The following PCDHB2 variants were observed in gnomAD, a reference collection of about 807,000 sequenced individuals.
PCDHB2 encodes protocadherin beta-2.
For synonymous variants in PCDHB2, 395 were observed against 464.9 expected, an observed-to-expected ratio of 0.85 and a Z score of 1.93; for missense variants, 914 against 1,023.1, an observed-to-expected ratio of 0.89 and a Z score of 1.45.
Position 141,096,299 on chromosome 5 carries a change from C to G in PCDHB2, c.1509C>G (p.Ala503=). The G allele has an allele frequency of 6.2e-7, 1 of 1,613,384 alleles. No homozygotes were observed. The highest frequency in any genetic ancestry group is 8.5e-7 in the Non-Finnish European group (1 of 1,179,986). Residue 503 remains alanine (A), a synonymous_variant, in exon 1 of 1, where the codon GCC becomes GCG. Coordinates refer to ENST00000194155, the MANE Select transcript of PCDHB2 (RefSeq NM_018936.4). ...LPPQDPHLPL[A]SLVSINADNG... Reference sequence around the variant, plus strand: ...CCCAGGACCCGCACCTGCCCCTCGCCTCCCTGGTCTCCATCAACGCGGACA... The same window carrying G: ...CCCAGGACCCGCACCTGCCCCTCGCGTCCCTGGTCTCCATCAACGCGGACA...
At position 141,095,438 on chromosome 5, in the gene PCDHB2, G is replaced by A. The variant is rs782259874; in HGVS notation, c.648G>A (p.Ala216=). Reference sequence around the variant, plus strand: ...CTGAGATCAGGTTAACCCTCACAGCGCTAGATGGCGGGAGTCCACCCAGGT... The same window carrying A: ...CTGAGATCAGGTTAACCCTCACAGCACTAGATGGCGGGAGTCCACCCAGGT... ...EQPEIRLTLT[A]LDGGSPPRSG... is the part of the protein sequence containing the mutation. The change falls in exon 1 of 1, where the codon GCG becomes GCA. Residue 216 remains alanine (A), a synonymous_variant. Coordinates refer to ENST00000194155, the MANE Select transcript of PCDHB2 (RefSeq NM_018936.4). 1 of 1,614,126 alleles carries A rather than the reference G, an allele frequency of 6.2e-7. No homozygotes were observed. Among genetic ancestry groups the A allele is most frequent in the East Asian group, 2.2e-5 (1 of 44,872 alleles).
chr5:141,095,167 G>C lies in PCDHB2; in HGVS notation c.377G>C (p.Arg126Thr). The C allele has an allele frequency of 6.2e-7, 1 of 1,611,430 alleles. No individual in the cohort carries two copies. The highest frequency in any genetic ancestry group is 8.5e-7 in the Non-Finnish European group (1 of 1,178,986). ...TTTTTTCAGGCGGAGCTACGGATTA[G>C]GGACGTAAATGATCATTCCCCAGTT... ...LQFFQAELRIRDVNDHSPVFL... is the reference protein window; with the variant it reads ...LQFFQAELRITDVNDHSPVFL... The change falls in exon 1 of 1, where the codon AGG (arginine) becomes ACG (threonine). Residue 126 changes from arginine (R) to threonine (T), a missense_variant. Coordinates refer to ENST00000194155, the MANE Select transcript of PCDHB2 (RefSeq NM_018936.4).
chr5:141,096,800 G>A lies in PCDHB2; in HGVS notation c.2010G>A (p.Gln670=). ...TGCTCCTGGTGGACGGCTTCTCCCA[G>A]CCCTACCTGCTGCTCCCGGAGGCGG... ...LHVLLVDGFS[Q]PYLLLPEAAP... Residue 670 remains glutamine (Q), a synonymous_variant, in exon 1 of 1, where the codon CAG becomes CAA. Coordinates refer to ENST00000194155, the MANE Select transcript of PCDHB2 (RefSeq NM_018936.4). 6.2e-7 allele frequency: 1 copy of A among 1,610,170 alleles called. No individual in the cohort carries two copies. The highest frequency in any genetic ancestry group is 8.5e-7 in the Non-Finnish European group (1 of 1,179,678).
Position 141,094,898 on chromosome 5 carries a change from A to C in PCDHB2, c.108A>C (p.Ser36=). 5 of 1,614,148 alleles carry C rather than the reference A, an allele frequency of 3.1e-6. 1 individual carries two copies. The Middle Eastern group carries it at 8.3e-4, about 267-fold the overall frequency. Residue 36 remains serine, a synonymous_variant, in exon 1 of 1, where the codon TCA becomes TCC. Transcript: ENST00000194155. Reference sequence around the variant, plus strand: ...CTAGTTGCCAGCCTAGGCACTATTCAGTGGCCGAGGAAACGGAGAGTGGCT... The same window carrying C: ...CTAGTTGCCAGCCTAGGCACTATTCCGTGGCCGAGGAAACGGAGAGTGGCT... ...AQASCQPRHY[S]VAEETESGSF...
In PCDHB2 at chr5:141,096,315, A is replaced by G. The variant is rs1563829127; in HGVS notation, c.1525A>G (p.Asn509Asp). 6.2e-7 allele frequency: 1 copy of G among 1,613,322 alleles called. No homozygotes were observed. The highest frequency in any genetic ancestry group is 2.2e-5 in the East Asian group (1 of 44,864). ...GCCCCTCGCCTCCCTGGTCTCCATC[A>G]ACGCGGACAACGGCCACCTGTTCGC... ...HLPLASLVSINADNGHLFALQ... is the reference protein window; with the variant it reads ...HLPLASLVSIDADNGHLFALQ... Residue 509 changes from asparagine (N) to aspartate (D), a missense_variant, in exon 1 of 1, where the codon AAC becomes GAC. Asn to Asp is a conservative substitution (Grantham distance 23, BLOSUM62 1). Transcript: ENST00000194155.
At position 141,096,016 on chromosome 5, in the gene PCDHB2, C is replaced by T; in HGVS notation, c.1226C>T (p.Thr409Met). 6.2e-7 allele frequency: 1 copy of T among 1,614,142 alleles called. No individual in the cohort carries two copies. The highest frequency in any genetic ancestry group is 8.5e-7 in the Non-Finnish European group (1 of 1,180,038). The change falls in exon 1 of 1, where the codon ACG becomes ATG. Residue 409 changes from threonine (T) to methionine (M), a missense_variant. Coordinates refer to ENST00000194155, the MANE Select transcript of PCDHB2 (RefSeq NM_018936.4). ...AACTTTTACACTCTGGTGATAAGCA[C>T]GGCCCTGGACCGGGAGACCAGATCC... ...VENFYTLVIS[T>M]ALDRETRSEY...
In PCDHB2 at chr5:141,094,995, G is replaced by T. The variant is rs782317936; in HGVS notation, c.205G>T (p.Val69Phe). ...GELAVRGARV[V>F]SKGKKMHLQF... is the part of the protein sequence containing the mutation. ...ACTTGCTGTGAGGGGGGCCAGGGTC[G>T]TTTCCAAAGGAAAAAAAATGCATTT... The change falls in exon 1 of 1, where the codon GTT becomes TTT. Residue 69 changes from valine to phenylalanine, a missense_variant. Coordinates refer to ENST00000194155, the MANE Select transcript of PCDHB2 (RefSeq NM_018936.4). 1.9e-6 allele frequency: 3 copies of T among 1,612,554 alleles called. No individual in the cohort carries two copies. Among genetic ancestry groups the T allele is most frequent in the South Asian group, 1.1e-5 (1 of 90,868 alleles).
Position 141,095,410 on chromosome 5 carries a change from A to C in PCDHB2, c.620A>C (p.Gln207Pro). The change falls in exon 1 of 1, where the codon CAG becomes CCG. Residue 207 changes from glutamine to proline, a missense_variant. Gln to Pro is a moderately conservative substitution (Grantham distance 76, BLOSUM62 -1). Coordinates refer to ENST00000194155, the MANE Select transcript of PCDHB2 (RefSeq NM_018936.4). ...VLNRALDREEQPEIRLTLTAL... is the reference protein window; with the variant it reads ...VLNRALDREEPPEIRLTLTAL... The stretch of plus-strand genomic sequence containing the variant: ...AACAGAGCCCTGGATCGCGAGGAGC[A>C]GCCTGAGATCAGGTTAACCCTCACA... The C allele has an allele frequency of 6.2e-7, 1 of 1,614,194 alleles. No individual in the cohort carries two copies. Among genetic ancestry groups the C allele is most frequent in the South Asian group, 1.1e-5 (1 of 91,080 alleles).
Position 141,097,560 on chromosome 5 carries a change from C to T in PCDHB2, c.*373C>T, listed in dbSNP as rs1197835445. 1 of 172,314 alleles carries T rather than the reference C, an allele frequency of 5.8e-6. No homozygotes were observed. The highest frequency in any genetic ancestry group is 5.7e-5 in the Admixed American group (1 of 17,566). 10.7% of individuals were successfully genotyped at this position (172,314 alleles called of 1,614,324 possible). On this transcript the variant is annotated 3_prime_UTR_variant, in exon 1 of 1. Transcript: ENST00000194155. ...ATTACATGAGTTATATTTTCCAGCC[C>T]AGAATATTTGTGTTTTTTATATCCT... is the stretch of plus-strand genomic sequence containing the variant.
rs1751872645 is a variant in PCDHB2 at position 141,098,199 on chromosome 5, C to T, written c.*1012C>T. On this transcript the variant is annotated 3_prime_UTR_variant, in exon 1 of 1. Coordinates refer to ENST00000194155, the MANE Select transcript of PCDHB2 (RefSeq NM_018936.4). ...AATTTTCAAAGGCATGCTAATTCAT[C>T]ATGCTTTCTCTTTCAAATAGTTTTT... 1 of 152,160 alleles carries T rather than the reference C, an allele frequency of 6.6e-6. No homozygotes were observed. Among genetic ancestry groups the T allele is most frequent in the Non-Finnish European group, 1.5e-5 (1 of 68,026 alleles). 9.4% of individuals were successfully genotyped at this position (152,160 alleles called of 1,614,324 possible). A position where few individuals can be genotyped will look rare whatever the true frequency, so the allele number is the denominator to read the frequency against.
At position 141,096,169 on chromosome 5, in the gene PCDHB2, T is replaced by A. The variant is rs782652758; in HGVS notation, c.1379T>A (p.Leu460Gln). 1.2e-6 allele frequency: 2 copies of A among 1,613,352 alleles called. No individual in the cohort carries two copies. The highest frequency in any genetic ancestry group is 1.7e-6 in the Non-Finnish European group (2 of 1,180,020). The change falls in exon 1 of 1, where the codon CTG (leucine) becomes CAG (glutamine). Residue 460 changes from leucine (L) to glutamine (Q), a missense_variant. Transcript: ENST00000194155. ...GCCTTCACCCAAACCTCCTACACCC[T>A]GTTCGTCCGCGAGAACAACAGCCCC... ...APAFTQTSYT[L>Q]FVRENNSPAL... is the part of the protein sequence containing the mutation.
At position 141,094,985 on chromosome 5, in the gene PCDHB2, G is replaced by C. The variant is rs782376507; in HGVS notation, c.195G>C (p.Gly65=). The C allele has an allele frequency of 1.2e-6, 2 of 1,613,354 alleles. No homozygotes were observed. The highest frequency in any genetic ancestry group is 1.7e-6 in the Non-Finnish European group (2 of 1,179,702). The change falls in exon 1 of 1, where the codon GGG becomes GGC. Residue 65 remains glycine (G), a synonymous_variant. Coordinates refer to ENST00000194155, the MANE Select transcript of PCDHB2 (RefSeq NM_018936.4). Reference sequence around the variant, plus strand: ...AGATAGGAGAACTTGCTGTGAGGGGGGCCAGGGTCGTTTCCAAAGGAAAAA... The same window carrying C: ...AGATAGGAGAACTTGCTGTGAGGGGCGCCAGGGTCGTTTCCAAAGGAAAAA... ...GLEIGELAVR[G]ARVVSKGKKM...
Position 141,095,466 on chromosome 5 carries a change from G to C in PCDHB2, c.676G>C (p.Gly226Arg), listed in dbSNP as rs782163761. ...AGATGGCGGGAGTCCACCCAGGTCC[G>C]GCACGGCCCTGGTACGGATTGAAGT... The part of the protein sequence containing the change: ...ALDGGSPPRS[G>R]TALVRIEVVD... The change falls in exon 1 of 1, where the codon GGC becomes CGC. Residue 226 changes from glycine to arginine, a missense_variant. Coordinates refer to ENST00000194155, the MANE Select transcript of PCDHB2 (RefSeq NM_018936.4). 1.2e-6 allele frequency: 2 copies of C among 1,613,966 alleles called. No individual in the cohort carries two copies. The highest frequency in any genetic ancestry group is 2.2e-5 in the South Asian group (2 of 91,066).
rs782002533 is a variant in PCDHB2 at position 141,094,892 on chromosome 5, C to T, written c.102C>T (p.His34=). 3 of 1,613,996 alleles carry T rather than the reference C, an allele frequency of 1.9e-6. No individual in the cohort carries two copies. The highest frequency in any genetic ancestry group is 2.5e-6 in the Non-Finnish European group (3 of 1,180,024). The change falls in exon 1 of 1, where the codon CAC becomes CAT. Residue 34 remains histidine (H), a synonymous_variant. Coordinates refer to ENST00000194155, the MANE Select transcript of PCDHB2 (RefSeq NM_018936.4). ...CTCAGGCTAGTTGCCAGCCTAGGCACTATTCAGTGGCCGAGGAAACGGAGA... is the reference window on the plus strand; with the variant it reads ...CTCAGGCTAGTTGCCAGCCTAGGCATTATTCAGTGGCCGAGGAAACGGAGA... The part of the protein sequence containing the change: ...GIAQASCQPR[H]YSVAEETESG...
rs781982034 is a variant in PCDHB2, at chr5:141,096,201, C to G, written c.1411C>G (p.His471Asp). 1.2e-6 allele frequency: 2 copies of G among 1,613,080 alleles called. No homozygotes were observed. The highest frequency in any genetic ancestry group is 3.3e-5 in the Admixed American group (2 of 60,032). Residue 471 changes from histidine to aspartate, a missense_variant, in exon 1 of 1, where the codon CAC (histidine) becomes GAC (aspartate). Transcript: ENST00000194155. ...CCGCGAGAACAACAGCCCCGCCCTG[C>G]ACATCGGCAGCGTCAGCGCCACAGA... Reference protein sequence around the residue: ...FVRENNSPALHIGSVSATDRD... With the variant: ...FVRENNSPALDIGSVSATDRD...
In PCDHB2 at chr5:141,098,133, CATT is replaced by C. The variant is rs1751871710; in HGVS notation, c.*948_*950del. ...TAATAAATTTTTGTCAAAAGTCAAT[CATT>C]AATATTCAAAAATGTAGATAAATAA... On this transcript the variant is annotated 3_prime_UTR_variant, in exon 1 of 1. Transcript: ENST00000194155. The C allele has an allele frequency of 6.6e-6, 1 of 152,142 alleles. No individual in the cohort carries two copies. Among genetic ancestry groups the C allele is most frequent in the Non-Finnish European group, 1.5e-5 (1 of 68,028 alleles). 9.4% of individuals were successfully genotyped at this position (152,142 alleles called of 1,614,324 possible). A position where few individuals can be genotyped will look rare whatever the true frequency, so the allele number is the denominator to read the frequency against.
rs200167894 is a variant in PCDHB2, at chr5:141,094,958, G to A, written c.168G>A (p.Leu56=). The change falls in exon 1 of 1, where the codon CTG becomes CTA. Residue 56 remains leucine (L), a synonymous_variant. Transcript: ENST00000194155. ...CCAATTTGTTAAAAGACCTGGGGCT[G>A]GAGATAGGAGAACTTGCTGTGAGGG... The part of the protein sequence containing the change: ...FVANLLKDLG[L]EIGELAVRGA... 1 of 1,613,948 alleles carries A rather than the reference G, an allele frequency of 6.2e-7. No individual in the cohort carries two copies. Among genetic ancestry groups the A allele is most frequent in the African/African-American group, 1.3e-5 (1 of 75,004 alleles).
At position 141,094,960 on chromosome 5, in the gene PCDHB2, A is replaced by C; in HGVS notation, c.170A>C (p.Glu57Ala). The C allele has an allele frequency of 6.2e-7, 1 of 1,613,962 alleles. No homozygotes were observed. Residue 57 changes from glutamate to alanine, a missense_variant, in exon 1 of 1, where the codon GAG becomes GCG. Physicochemically the swap from Glu to Ala is moderately radical, Grantham distance 107. Transcript: ENST00000194155. ...AATTTGTTAAAAGACCTGGGGCTGG[A>C]GATAGGAGAACTTGCTGTGAGGGGG... Reference protein sequence around the residue: ...VANLLKDLGLEIGELAVRGAR... With the variant: ...VANLLKDLGLAIGELAVRGAR...
In PCDHB2 at chr5:141,096,642, G is replaced by T. The variant is rs1751834090; in HGVS notation, c.1852G>T (p.Gly618Cys). The T allele has an allele frequency of 6.2e-7, 1 of 1,608,802 alleles. No individual in the cohort carries two copies. The highest frequency in any genetic ancestry group is 1.3e-5 in the African/African-American group (1 of 74,976). Residue 618 changes from glycine to cysteine, a missense_variant, in exon 1 of 1, where the codon GGC becomes TGC. Gly to Cys is a radical substitution (Grantham distance 159). Transcript: ENST00000194155. ...CAAGGCCACGGAGCCCGGGCTGTTC[G>T]GCGTGTGGGCGCACAATGGCGAGGT... Reference protein sequence around the residue: ...LLKATEPGLFGVWAHNGEVRT... With the variant: ...LLKATEPGLFCVWAHNGEVRT...
Sources: allele counts gnomAD v4.1 joint callset, GRCh38; gene constraint gnomAD v4.1.1; transcripts MANE v1.5; gene names NCBI Gene and HGNC (gene_info 2026-07-23, HGNC 2026-07-21).